The following CENPP variants were observed in gnomAD, a reference collection of about 807,000 sequenced individuals.
CENPP encodes centromere protein P.
CENPP carries 24 observed loss-of-function variants against 35.6 expected under a neutral mutation model. The ratio of observed to expected loss-of-function variants is 0.67; its 90% CI spans 0.49 to 0.95. The LOEUF is 0.95. Among genes scored for constraint, CENPP ranks in the 40% least tolerant of loss-of-function variants. CENPP has a pLI of 0.00. For missense variants in CENPP, 332 were observed against 345.3 expected, an observed-to-expected ratio of 0.96 and a Z score of 0.31; for synonymous variants, 120 against 125.5, an observed-to-expected ratio of 0.96 and a Z score of 0.29.
At chr9:92,496,088 T>C in intron 5 of CENPP, 2 of 1,158,658 alleles carry the variant, frequency 1.7e-6, no homozygotes, top group Non-Finnish European at 2.1e-6. Flanking sequence ...ATGGCCTCTT[T>C]CTAGAGGTAG....
chr9:92,352,294 G>T (rs559502222), intron 4 of CENPP, among the ~76,000 whole-genome samples: 3 of 150,044 alleles, frequency 2.0e-5, no homozygotes, highest in African/African-American at 7.4e-5. Context: ...CGCTTGAACC[G>T]GGGAGGCGGA....
intron 5 of CENPP, among the ~76,000 whole-genome samples, chr9:92,542,206 G>A (rs1849333613): frequency 6.6e-6 from 1 of 152,312 alleles, no homozygotes; most frequent in East Asian, 1.9e-4. Flanking sequence ...TTCTTAAAGG[G>A]AGATGTATTC....
At chr9:92,584,350 T>C (rs1850494897) in intron 5 of CENPP, among the ~76,000 whole-genome samples, 1 of 64,180 alleles carries the variant, frequency 1.6e-5, no homozygotes, top group Admixed American at 1.2e-4. Context: ...ATTGTTTCTA[T>C]GTTTGTTTGT....
chr9:92,433,247 A>G (rs865828911), intron 5 of CENPP, among the ~76,000 whole-genome samples: 2 of 152,354 alleles, frequency 1.3e-5, no homozygotes, highest in African/African-American at 4.8e-5. Flanking sequence ...TAATAACAGC[A>G]TCAGATAACC....
intron 4 of CENPP, among the ~76,000 whole-genome samples, chr9:92,374,365 C>T (rs1842079703): frequency 6.6e-6 from 1 of 151,730 alleles, no homozygotes; most frequent in African/African-American, 2.4e-5. Flanking sequence ...CCACCACACC[C>T]AGCTAATTTT....
chr9:92,614,460 C>A lies in CENPP; in HGVS notation c.*1311C>A, dbSNP rs546896729. The A allele has an allele frequency of 3.9e-5, 6 of 152,626 alleles. No homozygotes were observed. Among genetic ancestry groups the A allele is most frequent in the Non-Finnish European group, 7.3e-5 (5 of 68,044 alleles). The allele number at this position is 152,626 out of a possible 1,614,324, so 9.5% of individuals were successfully genotyped here. A position where few individuals can be genotyped will look rare whatever the true frequency, so the allele number is the denominator to read the frequency against. On this transcript the variant is annotated 3_prime_UTR_variant, in exon 8 of 8. Transcript: ENST00000375587. Reference sequence around the variant, plus strand: ...GGTGTCATTGGAAGTGAGAAGAAAACAGTAAAAGTGTCCAGTTAGATAAGT... The same window carrying A: ...GGTGTCATTGGAAGTGAGAAGAAAAAAGTAAAAGTGTCCAGTTAGATAAGT...
At chr9:92,608,177 CAG>C (rs1449517676) in intron 5 of CENPP, among the ~76,000 whole-genome samples, 2 of 152,318 alleles carry the variant, frequency 1.3e-5, no homozygotes, top group African/African-American at 4.8e-5. Flanking sequence ...CCAGAAGTCT[CAG>C]GGGTGTGCAG....
At chr9:92,421,289 C>A (rs918115954) in intron 5 of CENPP, among the ~76,000 whole-genome samples, 2 of 152,202 alleles carry the variant, frequency 1.3e-5, no homozygotes, top group African/African-American at 4.8e-5. Context: ...GTCTGCCCCC[C>A]TCAGCCTCCC....
chr9:92,402,298 T>C (rs772691391), intron 5 of CENPP, among the ~76,000 whole-genome samples: 2 of 152,140 alleles, frequency 1.3e-5, no homozygotes, highest in Non-Finnish European at 2.9e-5. Flanking sequence ...AAAGAAACTG[T>C]GGTGTTAACA....
chr9:92,546,508 A>G (rs1849455831), intron 5 of CENPP, among the ~76,000 whole-genome samples: 1 of 151,954 alleles, frequency 6.6e-6, no homozygotes, highest in Non-Finnish European at 1.5e-5. Context: ...GAACAACTCC[A>G]GACGCACCGC....
chr9:92,450,385 G>A (rs923467563), intron 5 of CENPP, among the ~76,000 whole-genome samples: 2 of 151,852 alleles, frequency 1.3e-5, no homozygotes, highest in Non-Finnish European at 2.9e-5. Context: ...TGAGAACGAT[G>A]ATTTCCAGTT....
intron 5 of CENPP, among the ~76,000 whole-genome samples, chr9:92,562,205 T>G (rs1849864039): frequency 7.0e-6 from 1 of 142,854 alleles, no homozygotes; most frequent in Non-Finnish European, 1.5e-5. Flanking sequence ...TTTTTTTCTT[T>G]TCTTTTTTTT....
At chr9:92,430,849 G>A (rs1275624220) in intron 5 of CENPP, among the ~76,000 whole-genome samples, 1 of 152,162 alleles carries the variant, frequency 6.6e-6, no homozygotes, top group Non-Finnish European at 1.5e-5. Context: ...AGGCTGGAGT[G>A]CAGTGGCACG....
At chr9:92,448,001 A>G (rs1344840415) in intron 5 of CENPP, among the ~76,000 whole-genome samples, 1 of 152,194 alleles carries the variant, frequency 6.6e-6, no homozygotes, top group Non-Finnish European at 1.5e-5. Flanking sequence ...CCTAAAGGTA[A>G]TGATTACAAT....
rs143997427 is a variant in CENPP, at chr9:92,557,999, T to G, written c.565-53315T>G. The stretch of plus-strand genomic sequence containing the variant: ...GTTTCCTGAGTTTTTTATTGTTTTT[T>G]TCTTTAAGCTATCTATTTCATTGAA... On this transcript the variant is annotated intron_variant, in intron 5 of 7. Transcript: ENST00000375587. Among the ~76,000 whole-genome samples the G allele has an allele frequency of 1.1e-3, 163 of 152,308 alleles. 4 individuals are homozygous for G. In the East Asian group the frequency reaches 0.028, roughly 26 times the overall value.
rs148300506 is a variant in CENPP, at chr9:92,597,259, G to C, written c.565-14055G>C. On this transcript the variant is annotated intron_variant, in intron 5 of 7. Transcript: ENST00000375587. Reference sequence around the variant, plus strand: ...TATGACCACTGTGAGGATTGAATGAGCTATAGTGCAAGTCGACTGCACAGG... The same window carrying C: ...TATGACCACTGTGAGGATTGAATGACCTATAGTGCAAGTCGACTGCACAGG... Among the ~76,000 whole-genome samples, 110 of 152,234 alleles carry C rather than the reference G, an allele frequency of 7.2e-4. 1 individual carries two copies. In the East Asian group the frequency reaches 0.013, roughly 17 times the overall value.
At chr9:92,353,981 A>G (rs948396708) in intron 4 of CENPP, among the ~76,000 whole-genome samples, 1 of 152,200 alleles carries the variant, frequency 6.6e-6, no homozygotes, top group Non-Finnish European at 1.5e-5. Context: ...AGGCCATTCT[A>G]CTGTTCTGTC....
chr9:92,546,853 A>G (rs993955533), intron 5 of CENPP, among the ~76,000 whole-genome samples: 12 of 152,192 alleles, frequency 7.9e-5, no homozygotes, highest in Admixed American at 1.3e-4. Flanking sequence ...GTCTATAACT[A>G]TTGAGGATAT....
At position 92,410,369 on chromosome 9, in the gene CENPP, G is replaced by T. The variant is rs578251305; in HGVS notation, c.564+30510G>T. On this transcript the variant is annotated intron_variant, in intron 5 of 7. Transcript: ENST00000375587. ...GGACGTGGGATGCATTTACTTATAT[G>T]CACTTTTAGAGGGAGGAGCCAGAGC... 2.0e-5 allele frequency among the ~76,000 whole-genome samples: 3 copies of T among 152,266 alleles called. No individual in the cohort carries two copies. The East Asian group carries it at 5.8e-4, about 29-fold the overall frequency.
Sources: allele counts gnomAD v4.1 joint callset (sites outside exome capture counted in the v4.1 genomes callset), GRCh38; gene constraint gnomAD v4.1.1; transcripts MANE v1.5; gene names NCBI Gene and HGNC (gene_info 2026-07-23, HGNC 2026-07-21).